The following SLC9C2 variants were observed in gnomAD, a reference collection of about 807,000 sequenced individuals.
SLC9C2 encodes the protein solute carrier family 9 member C2 (putative).
In SLC9C2, 75 loss-of-function variants were observed where a neutral mutation model predicts 140.2. The observed-to-expected ratio is 0.53, with a 90% CI of 0.44 to 0.65. The LOEUF is 0.65. Among genes scored for constraint, SLC9C2 ranks in the 30% least tolerant of loss-of-function variants. The pLI is 0.00. For synonymous variants in SLC9C2, 375 were observed against 420.9 expected, an observed-to-expected ratio of 0.89 and a Z score of 1.34; for missense variants, 1,074 against 1,331.8, an observed-to-expected ratio of 0.81 and a Z score of 3.01.
chr1:173,600,251 C>G, intron 2 of SLC9C2, 34 bp from the exon 3 acceptor site: 1 of 1,487,280 alleles, frequency 6.7e-7, no homozygotes, highest in Non-Finnish European at 9.3e-7. Context: ...TGCATGAGTA[C>G]TCGAAGTACA....
intron 23 of SLC9C2, among the ~76,000 whole-genome samples, chr1:173,511,656 T>C (rs1485329723): frequency 6.6e-6 from 1 of 152,212 alleles, no homozygotes. Context: ...AGCTCTTTAA[T>C]TAGATCTCAT....
At chr1:173,576,278 GATGTTAC>G (rs957007068) in intron 8 of SLC9C2, among the ~76,000 whole-genome samples, 42 of 152,242 alleles carry the variant, frequency 2.8e-4, no homozygotes, top group Middle Eastern at 3.4e-3. Flanking sequence ...GAGTTTTATT[GATGTTAC>G]ATGTTACATC....
chr1:173,574,047 T>C (rs149233049), intron 8 of SLC9C2, among the ~76,000 whole-genome samples: 1 of 152,240 alleles, frequency 6.6e-6, no homozygotes, highest in East Asian at 1.9e-4. Context: ...CCAGAGCATG[T>C]GGGTTAGGGC....
At chr1:173,593,145 G>A (rs888873506) in intron 4 of SLC9C2, among the ~76,000 whole-genome samples, 18 of 152,166 alleles carry the variant, frequency 1.2e-4, no homozygotes, top group Admixed American at 6.5e-4. Context: ...ACACAGATCA[G>A]TGATACTATA....
intron 23 of SLC9C2, among the ~76,000 whole-genome samples, chr1:173,510,926 G>A (rs1659999341): frequency 1.3e-5 from 2 of 151,694 alleles, no homozygotes; most frequent in Non-Finnish European, 2.9e-5. Flanking sequence ...CTTCCACAAT[G>A]GTTGAACTAA....
chr1:173,508,204 G>A (rs551234653), intron 24 of SLC9C2, among the ~76,000 whole-genome samples: 25 of 151,624 alleles, frequency 1.6e-4, no homozygotes, highest in African/African-American at 4.8e-4. Flanking sequence ...ATTTTAAAAT[G>A]CATATACATT....
intron 18 of SLC9C2, among the ~76,000 whole-genome samples, chr1:173,528,088 G>A (rs1273982023): frequency 6.6e-6 from 1 of 152,022 alleles, no homozygotes; most frequent in Non-Finnish European, 1.5e-5. Context: ...GCTCTAGAAC[G>A]CCTTTGCACA....
At chr1:173,600,885 T>C (rs1415101451) in intron 2 of SLC9C2, among the ~76,000 whole-genome samples, 2 of 152,368 alleles carry the variant, frequency 1.3e-5, no homozygotes, top group Non-Finnish European at 1.5e-5. Context: ...AAGGAGTTTA[T>C]ACATATTTGC....
chr1:173,546,408 T>C (rs6425244), intron 13 of SLC9C2, among the ~76,000 whole-genome samples: 53,718 of 151,348 alleles, frequency 0.35, 11,920 homozygotes, highest in East Asian at 0.64. Flanking sequence ...TGCCAAAACC[T>C]CGTCTGTACT....
chr1:173,554,819 A>C lies in SLC9C2; in HGVS notation c.1216-5T>G. The C allele has an allele frequency of 6.5e-7, 1 of 1,531,924 alleles. No homozygotes were observed. The highest frequency in any genetic ancestry group is 9.0e-7 in the Non-Finnish European group (1 of 1,110,316). The allele number at this position is 1,531,924 out of a possible 1,614,324, so 94.9% of individuals were successfully genotyped here. ...TACTTGTACATAGAGTATAAACTAA[A>C]AACAAAGCACATAAATAGTTAGAAC... On this transcript the variant is annotated splice_region_variant and splice_polypyrimidine_tract_variant and intron_variant, in intron 10 of 27. Coordinates refer to ENST00000367714, the MANE Select transcript of SLC9C2 (RefSeq NM_178527.4).
At chr1:173,602,726 A>G (rs1666861823) in intron 1 of SLC9C2, 25 bp downstream of exon 1, 1 of 152,186 alleles carries the variant, frequency 6.6e-6, no homozygotes, top group Admixed American at 6.5e-5. Context: ...TTCCTCAAGT[A>G]TCTCCAATAA....
In SLC9C2 at chr1:173,500,798, T is replaced by G. The variant is rs1270062580; in HGVS notation, c.*296A>C. 1 of 207,040 alleles carries G rather than the reference T, an allele frequency of 4.8e-6. No homozygotes were observed. Among genetic ancestry groups the G allele is most frequent in the East Asian group, 1.1e-4 (1 of 9,128 alleles). 12.8% of individuals were successfully genotyped at this position (207,040 alleles called of 1,614,324 possible). Reference sequence around the variant, plus strand: ...AATGCACTATGTTAAAATTTGCTCTTAGCTGGAAACAGGGTTTCATTTGGT... The same window carrying G: ...AATGCACTATGTTAAAATTTGCTCTGAGCTGGAAACAGGGTTTCATTTGGT... On this transcript the variant is annotated 3_prime_UTR_variant, in exon 28 of 28. Transcript: ENST00000367714.
intron 9 of SLC9C2, among the ~76,000 whole-genome samples, chr1:173,561,877 ACACACACACC>A (rs1468404528): frequency 2.0e-5 from 3 of 151,792 alleles, no homozygotes; most frequent in East Asian, 1.9e-4. Flanking sequence ...ACACACACAC[ACACACACACC>A]CCCAACTGTA....
At chr1:173,541,136 T>C (rs6681773) in intron 13 of SLC9C2, among the ~76,000 whole-genome samples, 1 of 150,394 alleles carries the variant, frequency 6.6e-6, no homozygotes, top group African/African-American at 2.4e-5. Flanking sequence ...ACACACATAC[T>C]CTCAAAATAA....
chr1:173,557,168 CT>C (rs1192771960), intron 10 of SLC9C2, among the ~76,000 whole-genome samples, 171 bp downstream of exon 10: 1 of 152,122 alleles, frequency 6.6e-6, no homozygotes, highest in Non-Finnish European at 1.5e-5. Flanking sequence ...CTATTGGTCC[CT>C]TTCACATTCT....
intron 25 of SLC9C2, 85 bp downstream of exon 25, chr1:173,506,770 TC>T: frequency 8.8e-7 from 1 of 1,131,568 alleles, no homozygotes; most frequent in Non-Finnish European, 1.3e-6. Context: ...AGGTTAAATT[TC>T]TTTTTAAGGT....
intron 9 of SLC9C2, among the ~76,000 whole-genome samples, chr1:173,561,979 C>T (rs1209982613): frequency 6.6e-6 from 1 of 151,958 alleles, no homozygotes; most frequent in African/African-American, 2.4e-5. Flanking sequence ...CTAAATCCAC[C>T]AGGATCCAGC....
At chr1:173,550,946 G>T (rs1319612633) in intron 11 of SLC9C2, among the ~76,000 whole-genome samples, 1 of 150,430 alleles carries the variant, frequency 6.6e-6, no homozygotes, top group Admixed American at 6.6e-5. Context: ...GGGAGGGGAG[G>T]GGAGCAAGTC....
In SLC9C2 at chr1:173,581,888, A is replaced by G. The variant is rs762586831; in HGVS notation, c.761T>C (p.Ile254Thr). The change falls in exon 7 of 28, where the codon ATC becomes ACC. Residue 254 changes from isoleucine (I) to threonine (T), a missense_variant. Physicochemically the swap from Ile to Thr is moderately conservative, Grantham distance 89. Coordinates refer to ENST00000367714, the MANE Select transcript of SLC9C2 (RefSeq NM_178527.4). Reference sequence around the variant, plus strand: ...GTACACCATTGAAAAGCAGAGAATGATATTAGTCAGCATATTGCTAAAAAC... The same window carrying G: ...GTACACCATTGAAAAGCAGAGAATGGTATTAGTCAGCATATTGCTAAAAAC... ...ADVFSNMLTN[I>T]ILCFSMVYMT... 6.2e-7 allele frequency: 1 copy of G among 1,601,562 alleles called. No homozygotes were observed. Among genetic ancestry groups the G allele is most frequent in the South Asian group, 1.1e-5 (1 of 88,506 alleles).
Sources: gnomAD v4.1 joint callset for allele counts (sites outside exome capture counted in the v4.1 genomes callset) on GRCh38, gnomAD v4.1.1 for gene constraint, MANE v1.5 for transcripts, NCBI Gene and HGNC (gene_info 2026-07-23, HGNC 2026-07-21) for gene names.